FBN1: variants seen among roughly 807,000 people sequenced by gnomAD.
The protein encoded by FBN1 is fibrillin-1.
Under a neutral mutation model 365.1 loss-of-function variants are expected in FBN1, and 29 were observed. The observed-to-expected ratio is 0.08, with a 90% CI of 0.06 to 0.11. The LOEUF (loss-of-function observed/expected upper bound fraction) is 0.11, where lower values mean the gene tolerates loss of function less well. Ranked by LOEUF, FBN1 falls within the 10% of genes least tolerant of loss-of-function variation. The probability of loss-of-function intolerance (pLI) is 1.00; values close to 1 mark genes in which losing one functional copy is unlikely to be tolerated. For missense variants in FBN1, 2,476 were observed against 3,703.2 expected (o/e 0.67, Z 8.60); for synonymous variants, 1,210 against 1,270.5 (o/e 0.95, Z 1.01).
rs144472964 is a variant in FBN1, at chr15:48,479,730, C to T, written c.3964+1925G>A. 4.5e-3 allele frequency among the ~76,000 whole-genome samples: 685 copies of T among 152,308 alleles called. 3 individuals are homozygous for T. The highest frequency in any genetic ancestry group is 0.016 in the African/African-American group (666 of 41,564). On this transcript the variant is annotated intron_variant, in intron 32 of 65. Coordinates refer to ENST00000316623, the MANE Select transcript of FBN1 (RefSeq NM_000138.5). ...CACTTCATGCAACTGTAGTGCACAG[C>T]TCTGTTACCATGGTCTTAGTATCTG...
chr15:48,458,228 G>A (rs1170353541), intron 43 of FBN1, among the ~76,000 whole-genome samples: 1 of 152,176 alleles, frequency 6.6e-6, no homozygotes. Context: ...GACTGAAGTG[G>A]AGCCTACAAG....
At position 48,421,946 on chromosome 15, in the gene FBN1, A is replaced by G; in HGVS notation, c.7570+6T>C. 1 of 1,590,422 alleles carries G rather than the reference A, an allele frequency of 6.3e-7. No individual in the cohort carries two copies. Among genetic ancestry groups the G allele is most frequent in the African/African-American group, 1.3e-5 (1 of 74,504 alleles). The stretch of plus-strand genomic sequence containing the variant: ...TCCATGTAGGATTTTTTCCTCTCCT[A>G]CTCACCAATGCAGGACGTATGGTGT... On this transcript the variant is annotated splice_donor_region_variant and intron_variant, in intron 61 of 65. Coordinates refer to ENST00000316623, the MANE Select transcript of FBN1 (RefSeq NM_000138.5).
intron 6 of FBN1, among the ~76,000 whole-genome samples, chr15:48,539,529 AATATATCAGACTCAT>A (rs1476041998): frequency 2.0e-5 from 3 of 152,198 alleles, no homozygotes; most frequent in Admixed American, 1.3e-4. Context: ...AAACAGCATA[AATATATCAGACTCAT>A]GATTTCACAG....
rs1397453444 is a variant in FBN1, at chr15:48,540,401, T to G, written c.539-2593A>C. ...AAGGATTATACTAAAAATATACTTT[T>G]GAATCCTGCTGGATTTTCTTCACTT... On this transcript the variant is annotated intron_variant, in intron 6 of 65. Transcript: ENST00000316623. Among the ~76,000 whole-genome samples, 3 of 152,194 alleles carry G rather than the reference T, an allele frequency of 2.0e-5. No homozygotes were observed. The East Asian group carries it at 5.8e-4, about 29-fold the overall frequency.
chr15:48,437,947 T>G (rs375999695), intron 50 of FBN1, 30 bp from the exon 51 acceptor site: 2 of 1,612,820 alleles, frequency 1.2e-6, no homozygotes, highest in Admixed American at 1.7e-5. Flanking sequence ...CACCCTTCAG[T>G]TGCTTTCCTA....
intron 49 of FBN1, 42 bp downstream of exon 49, chr15:48,444,499 C>T (rs746702319): frequency 6.2e-7 from 1 of 1,611,282 alleles, no homozygotes; most frequent in South Asian, 1.1e-5. Context: ...GTCCAGTGGA[C>T]ACCCGACACT....
intron 55 of FBN1, 34 bp downstream of exon 55, chr15:48,432,832 C>A: frequency 1.2e-6 from 2 of 1,612,920 alleles, no homozygotes; most frequent in Non-Finnish European, 1.7e-6. Context: ...GATAAAGCTT[C>A]CTGGCTTAGA....
chr15:48,600,541 T>G (rs1029242509), intron 4 of FBN1, among the ~76,000 whole-genome samples: 4 of 152,056 alleles, frequency 2.6e-5, no homozygotes, highest in African/African-American at 9.7e-5. Context: ...CCGTCCCTAC[T>G]AAAAATACAA....
intron 65 of FBN1, among the ~76,000 whole-genome samples, chr15:48,412,136 G>T (rs542944820): frequency 2.6e-4 from 40 of 152,286 alleles, no homozygotes; most frequent in African/African-American, 9.6e-4. Flanking sequence ...TCAGCTCCAC[G>T]TTATTTTTGT....
At chr15:48,519,647 G>A (rs560016905) in intron 10 of FBN1, among the ~76,000 whole-genome samples, 1 of 152,272 alleles carries the variant, frequency 6.6e-6, no homozygotes, top group Non-Finnish European at 1.5e-5. Flanking sequence ...TAACAGGCAA[G>A]GATGGCAGGA....
chr15:48,609,579 T>A (rs927009841), intron 4 of FBN1, among the ~76,000 whole-genome samples: 1 of 152,238 alleles, frequency 6.6e-6, no homozygotes, highest in Admixed American at 6.5e-5. Context: ...GTGAACCTCA[T>A]GGTTATCCAA....
chr15:48,520,103 A>T (rs2141335311), intron 10 of FBN1, among the ~76,000 whole-genome samples: 1 of 152,256 alleles, frequency 6.6e-6, no homozygotes, highest in East Asian at 1.9e-4. Flanking sequence ...TCACTGACTC[A>T]TACTTTGGGA....
At chr15:48,490,530 T>A (rs1218895224) in intron 24 of FBN1, among the ~76,000 whole-genome samples, 6 of 152,210 alleles carry the variant, frequency 3.9e-5, no homozygotes, top group African/African-American at 1.2e-4. Flanking sequence ...CACTTCATTT[T>A]TGGAAAGGTG....
chr15:48,485,539 A>C, intron 29 of FBN1, 43 bp from the exon 30 acceptor site: 1 of 1,609,036 alleles, frequency 6.2e-7, no homozygotes, highest in Non-Finnish European at 8.5e-7. Flanking sequence ...TATGGTTTGG[A>C]TGTCTGTCCC....
rs767384075 is a variant in FBN1, at chr15:48,415,531, C to T, written c.8051+5G>A. On this transcript the variant is annotated splice_donor_5th_base_variant and intron_variant, in intron 64 of 65. Transcript: ENST00000316623. ...CCAACCATGACCAGGAAGAGCACTGCTTACCCTTGGCCTATGCGGAAGTAA... is the reference window on the plus strand; with the variant it reads ...CCAACCATGACCAGGAAGAGCACTGTTTACCCTTGGCCTATGCGGAAGTAA... 90 of 1,605,418 alleles carry T rather than the reference C, an allele frequency of 5.6e-5. No homozygotes were observed. The highest frequency in any genetic ancestry group is 7.6e-5 in the Non-Finnish European group (89 of 1,172,246).
rs568625812 is a variant in FBN1 at position 48,483,916 on chromosome 15, T to A, written c.3740A>T (p.Asn1247Ile). The stretch of plus-strand genomic sequence containing the variant: ...TGTGCACTGACCACCATCACAGATA[T>A]TGGGATTATCTTCACACTCATCGAT... ...TDIDECEDNP[N>I]ICDGGQCTNI... The change falls in exon 31 of 66, where the codon AAT becomes ATT. Residue 1247 changes from asparagine (N) to isoleucine (I), a missense_variant. By Grantham distance (149) the Asn-to-Ile change is moderately radical. Transcript: ENST00000316623. 96 of 1,613,442 alleles carry A rather than the reference T, an allele frequency of 6.0e-5. 6 individuals are homozygous for A. The South Asian group carries it at 9.3e-4, about 16-fold the overall frequency.
chr15:48,462,057 T>C (rs2043283375), intron 42 of FBN1, among the ~76,000 whole-genome samples: 1 of 152,198 alleles, frequency 6.6e-6, no homozygotes, highest in Admixed American at 6.5e-5. Context: ...TTATATTATT[T>C]CTGGAGTAAA....
intron 2 of FBN1, among the ~76,000 whole-genome samples, chr15:48,638,750 C>T (rs549544592): frequency 6.6e-6 from 1 of 151,880 alleles, no homozygotes; most frequent in South Asian, 2.1e-4. Flanking sequence ...ATTTAAGACA[C>T]ATACCAATTT....
intron 2 of FBN1, among the ~76,000 whole-genome samples, chr15:48,621,407 T>G (rs1407482960): frequency 6.6e-6 from 1 of 152,232 alleles, no homozygotes; most frequent in African/African-American, 2.4e-5. Context: ...TTTACCTCTG[T>G]GGTCTTTTTC....
Sources: allele counts gnomAD v4.1 joint callset (sites outside exome capture counted in the v4.1 genomes callset), GRCh38; gene constraint gnomAD v4.1.1; transcripts MANE v1.5; gene names NCBI Gene and HGNC (gene_info 2026-07-23, HGNC 2026-07-21).